Variants in INO80D observed in about 807,000 individuals in gnomAD.
The protein encoded by INO80D is INO80 complex subunit D.
In INO80D, 21 loss-of-function variants were observed where a neutral mutation model predicts 87.6. The observed-to-expected ratio is 0.24, with a 90% CI of 0.17 to 0.35. INO80D has a LOEUF of 0.35. Among genes scored for constraint, INO80D ranks in the 10% least tolerant of loss-of-function variants. The pLI is 1.00. For missense variants in INO80D, 982 were observed against 1,280.7 expected, an observed-to-expected ratio of 0.77 and a Z score of 3.56; for synonymous variants, 440 against 491.0, an observed-to-expected ratio of 0.90 and a Z score of 1.37.
chr2:206,059,062 T>TAA (rs34251228), intron 3 of INO80D, among the ~76,000 whole-genome samples: 5 of 125,500 alleles, frequency 4.0e-5, no homozygotes, highest in Non-Finnish European at 1.7e-5. Context: ...CTGTCTCAGT[T>TAA]AAAAAAAAAA....
rs1687779143 is a variant in INO80D, at chr2:205,994,829, G to A, written c.*9539C>T. 7.2e-6 allele frequency: 1 copy of A among 139,168 alleles called. No homozygotes were observed. Among genetic ancestry groups the A allele is most frequent in the Non-Finnish European group, 1.5e-5 (1 of 64,754 alleles). 8.6% of individuals were successfully genotyped at this position (139,168 alleles called of 1,614,324 possible). A position where few individuals can be genotyped will look rare whatever the true frequency, so the allele number is the denominator to read the frequency against. Reference sequence around the variant, plus strand: ...TAATGAAAAATACCTAAACTGTGGGGAATAAGAATTAAATCTATTTCAAGC... The same window carrying A: ...TAATGAAAAATACCTAAACTGTGGGAAATAAGAATTAAATCTATTTCAAGC... On this transcript the variant is annotated 3_prime_UTR_variant, in exon 11 of 11. Coordinates refer to ENST00000403263, the MANE Select transcript of INO80D (RefSeq NM_017759.5).
intron 5 of INO80D, among the ~76,000 whole-genome samples, chr2:206,032,468 T>C (rs924156426): frequency 9.9e-5 from 15 of 152,222 alleles, no homozygotes; most frequent in African/African-American, 3.6e-4. Flanking sequence ...ATAATCCTCC[T>C]AAATACACAA....
intron 1 of INO80D, among the ~76,000 whole-genome samples, chr2:206,067,240 G>T (rs1437963491): frequency 6.7e-6 from 1 of 149,216 alleles, no homozygotes; most frequent in Non-Finnish European, 1.5e-5. Flanking sequence ...GAGTGCAACC[G>T]TCTCCAAAAA....
At chr2:206,053,734 GTTTA>G (rs546577515) in intron 4 of INO80D, among the ~76,000 whole-genome samples, 240 of 151,848 alleles carry the variant, frequency 1.6e-3, no homozygotes, top group African/African-American at 5.6e-3. Context: ...GATATCCCCT[GTTTA>G]TTTACTTTGT....
chr2:206,046,467 C>A (rs748464644), intron 5 of INO80D, 37 bp downstream of exon 5: 4 of 1,108,408 alleles, frequency 3.6e-6, no homozygotes, highest in Non-Finnish European at 2.6e-6. Context: ...GACTCCGTCT[C>A]AAAAAAAAAA....
rs1055558724 is a variant in INO80D at position 206,009,810 on chromosome 2, A to G, written c.1543-16T>C. 7.0e-6 allele frequency: 11 copies of G among 1,579,908 alleles called. No homozygotes were observed. Among genetic ancestry groups the G allele is most frequent in the Non-Finnish European group, 9.5e-6 (11 of 1,160,070 alleles). ...AGAAATTATCCTTTGGAATGAATAA[A>G]TAGGCTTTTAAATTGAGATTATCTG... On this transcript the variant is annotated splice_polypyrimidine_tract_variant and intron_variant, in intron 8 of 10. Coordinates refer to ENST00000403263, the MANE Select transcript of INO80D (RefSeq NM_017759.5).
intron 4 of INO80D, among the ~76,000 whole-genome samples, chr2:206,049,247 G>A (rs59342537): frequency 0.019 from 2,958 of 152,272 alleles, 91 homozygotes; most frequent in African/African-American, 0.067. Flanking sequence ...TTGGCATAAA[G>A]AAACTTCAAA....
intron 8 of INO80D, among the ~76,000 whole-genome samples, chr2:206,013,116 T>C (rs1688222323): frequency 6.6e-6 from 1 of 152,092 alleles, no homozygotes; most frequent in African/African-American, 2.4e-5. Flanking sequence ...GATTGTTATA[T>C]AAAATATATA....
At chr2:206,011,962 C>T (rs1452422068) in intron 8 of INO80D, among the ~76,000 whole-genome samples, 1 of 152,186 alleles carries the variant, frequency 6.6e-6, no homozygotes, top group Non-Finnish European at 1.5e-5. Context: ...TGAGACAACA[C>T]ATGGTAACAA....
At chr2:206,065,660 T>C (rs1689795151) in intron 1 of INO80D, among the ~76,000 whole-genome samples, 1 of 152,034 alleles carries the variant, frequency 6.6e-6, no homozygotes, top group African/African-American at 2.4e-5. Context: ...TAACATCCAG[T>C]ATATATATAA....
At chr2:206,022,977 G>A (rs1220090391) in intron 6 of INO80D, among the ~76,000 whole-genome samples, 1 of 151,984 alleles carries the variant, frequency 6.6e-6, no homozygotes. Context: ...GGCAGGCAGA[G>A]TACCTGAGGT....
intron 1 of INO80D, among the ~76,000 whole-genome samples, chr2:206,069,156 T>C (rs560067310): frequency 6.6e-6 from 1 of 152,194 alleles, no homozygotes; most frequent in South Asian, 2.1e-4. Context: ...AGGTTTGAAC[T>C]GTGTAGCTCT....
chr2:206,004,318 A>C lies in INO80D; in HGVS notation c.*50T>G. On this transcript the variant is annotated 3_prime_UTR_variant, in exon 11 of 11. Coordinates refer to ENST00000403263, the MANE Select transcript of INO80D (RefSeq NM_017759.5). The surrounding 1 kb of genome is among the most constrained non-coding windows in gnomAD (Gnocchi z 4.9). ...GGAGAGGGGTGCTAAAGAGGAAACA[A>C]AGATAGAAAACACTGGGTTCCCCAC... 1 of 1,489,222 alleles carries C rather than the reference A, an allele frequency of 6.7e-7. No homozygotes were observed. The allele number at this position is 1,489,222 out of a possible 1,614,324, so 92.3% of individuals were successfully genotyped here.
intron 7 of INO80D, among the ~76,000 whole-genome samples, chr2:206,018,483 A>C (rs2105816329): frequency 6.6e-6 from 1 of 152,110 alleles, no homozygotes; most frequent in Non-Finnish European, 1.5e-5. Flanking sequence ...TAAAAGGAAA[A>C]TTTTCTGCCT....
chr2:206,039,781 G>A (rs1423211261), intron 5 of INO80D, among the ~76,000 whole-genome samples: 1 of 138,436 alleles, frequency 7.2e-6, no homozygotes, highest in Non-Finnish European at 1.5e-5. Context: ...CTACACTCCA[G>A]CCTGGGCAAC....
intron 4 of INO80D, among the ~76,000 whole-genome samples, chr2:206,051,318 G>A (rs897694862): frequency 1.1e-4 from 17 of 151,644 alleles, no homozygotes; most frequent in African/African-American, 3.4e-4. Flanking sequence ...TTGGACTTAA[G>A]GGATCCTTCC....
At chr2:206,018,650 G>C (rs889735131) in intron 7 of INO80D, among the ~76,000 whole-genome samples, 2 of 152,200 alleles carry the variant, frequency 1.3e-5, no homozygotes, top group African/African-American at 4.8e-5. Context: ...GCCAGGCACA[G>C]TGGCTCACAC....
chr2:206,063,713 T>C (rs1051458012), intron 1 of INO80D: 1 of 152,058 alleles, frequency 6.6e-6, no homozygotes, highest in Admixed American at 6.6e-5. Context: ...AAAAAAAAAG[T>C]AAGTTACCTT....
rs146466319 is a variant in INO80D, at chr2:206,001,023, T to C, written c.*3345A>G. Reference sequence around the variant, plus strand: ...CTTTGCTGTCTAAGCTATGTGACGATAATTAGAAAATTTTTCCATTGCATA... The same window carrying C: ...CTTTGCTGTCTAAGCTATGTGACGACAATTAGAAAATTTTTCCATTGCATA... On this transcript the variant is annotated 3_prime_UTR_variant, in exon 11 of 11. Transcript: ENST00000403263. 3.5e-4 allele frequency: 53 copies of C among 152,326 alleles called. No individual in the cohort carries two copies. The highest frequency in any genetic ancestry group is 1.1e-3 in the African/African-American group (47 of 41,584). The allele number at this position is 152,326 out of a possible 1,614,324, so 9.4% of individuals were successfully genotyped here.
Sources: gnomAD v4.1 joint callset for allele counts (sites outside exome capture counted in the v4.1 genomes callset) on GRCh38, gnomAD v4.1.1 for gene constraint, Gnocchi (gnomAD v3.1) non-coding constraint, MANE v1.5 for transcripts, NCBI Gene and HGNC (gene_info 2026-07-23, HGNC 2026-07-21) for gene names.